The following GRID1 variants were observed in gnomAD, a reference collection of about 807,000 sequenced individuals.
The protein encoded by GRID1 is glutamate receptor ionotropic, delta-1.
Under a neutral mutation model 98.0 loss-of-function variants are expected in GRID1, and 28 were observed. The observed-to-expected ratio is 0.29, with a 90% CI of 0.21 to 0.39. The LOEUF is 0.39. Ranked by LOEUF, GRID1 falls within the 10% of genes least tolerant of loss-of-function variation. GRID1 has a pLI of 1.00. For missense variants in GRID1, 1,111 were observed against 1,340.5 expected (o/e 0.83, Z 2.67); for synonymous variants, 553 against 538.5 (o/e 1.03, Z -0.37).
intron 4 of GRID1, among the ~76,000 whole-genome samples, chr10:86,010,628 G>A (rs1842913385): frequency 6.6e-6 from 1 of 152,012 alleles, no homozygotes; most frequent in African/African-American, 2.4e-5. Flanking sequence ...AGACAGGCCT[G>A]GGCAATGATG....
chr10:86,228,340 T>G (rs1846391649), intron 2 of GRID1, among the ~76,000 whole-genome samples: 1 of 151,100 alleles, frequency 6.6e-6, no homozygotes, highest in Non-Finnish European at 1.5e-5. Flanking sequence ...AGAGGAAACG[T>G]AGACAATCAG....
At chr10:86,222,595 A>G (rs1289557421) in intron 2 of GRID1, among the ~76,000 whole-genome samples, 1 of 152,164 alleles carries the variant, frequency 6.6e-6, no homozygotes, top group Non-Finnish European at 1.5e-5. Flanking sequence ...GGCCTCTGAA[A>G]GACGCACCCC....
intron 2 of GRID1, among the ~76,000 whole-genome samples, chr10:86,349,921 C>T (rs1848439546): frequency 6.6e-6 from 1 of 152,202 alleles, no homozygotes; most frequent in Non-Finnish European, 1.5e-5. Context: ...AAATTAATAA[C>T]ATCATTGCCG....
intron 2 of GRID1, among the ~76,000 whole-genome samples, chr10:86,271,067 G>A (rs1847178166): frequency 6.6e-6 from 1 of 152,182 alleles, no homozygotes; most frequent in Admixed American, 6.5e-5. Context: ...CACCTGGCGA[G>A]CTTTCAGAAA....
chr10:85,677,576 C>A (rs1049571908), intron 12 of GRID1, among the ~76,000 whole-genome samples: 6 of 152,164 alleles, frequency 3.9e-5, no homozygotes, highest in Admixed American at 2.0e-4. Context: ...CCAGGGGAAA[C>A]AAAGCTGAGA....
chr10:86,088,666 C>T (rs1217193079), intron 4 of GRID1, among the ~76,000 whole-genome samples: 1 of 152,140 alleles, frequency 6.6e-6, no homozygotes, highest in Non-Finnish European at 1.5e-5. Context: ...AGTAGACATA[C>T]TTTTTCCTTA....
chr10:85,940,573 C>T (rs1252890149), intron 4 of GRID1, among the ~76,000 whole-genome samples: 1 of 152,188 alleles, frequency 6.6e-6, no homozygotes, highest in African/African-American at 2.4e-5. Flanking sequence ...GGAAATATAT[C>T]TATGGAATGA....
intron 4 of GRID1, among the ~76,000 whole-genome samples, chr10:85,960,345 C>CT (rs1842250195): frequency 6.6e-6 from 1 of 152,018 alleles, no homozygotes; most frequent in Non-Finnish European, 1.5e-5. Context: ...TTTAACATCA[C>CT]TCTGCCCACA....
At chr10:85,690,383 T>C (rs984267337) in intron 12 of GRID1, among the ~76,000 whole-genome samples, 1 of 152,204 alleles carries the variant, frequency 6.6e-6, no homozygotes, top group Non-Finnish European at 1.5e-5. Flanking sequence ...GACATTCAAC[T>C]AAGCAATAAT....
At chr10:86,353,784 G>A (rs1268728663) in intron 2 of GRID1, among the ~76,000 whole-genome samples, 3 of 152,222 alleles carry the variant, frequency 2.0e-5, no homozygotes, top group Non-Finnish European at 2.9e-5. Flanking sequence ...TGGGAGAGGT[G>A]AGTGAGGGCA....
intron 4 of GRID1, among the ~76,000 whole-genome samples, chr10:86,021,047 CCT>C (rs1843041747): frequency 0.024 from 1 of 42 alleles, no homozygotes. Flanking sequence ...TTCAACCTGA[CCT>C]GCCTGCCTGC....
intron 4 of GRID1, among the ~76,000 whole-genome samples, chr10:86,099,663 C>T (rs1193885164): frequency 1.3e-5 from 2 of 152,226 alleles, no homozygotes; most frequent in Non-Finnish European, 2.9e-5. Flanking sequence ...ATCAAGCCCT[C>T]CCTCTGTGAC....
At chr10:85,929,080 G>A (rs1160716147) in intron 4 of GRID1, among the ~76,000 whole-genome samples, 1 of 152,184 alleles carries the variant, frequency 6.6e-6, no homozygotes, top group East Asian at 1.9e-4. Context: ...TGCTATGGGG[G>A]CAGGTTCCCA....
chr10:85,899,760 G>T (rs1841352629), intron 5 of GRID1, among the ~76,000 whole-genome samples: 1 of 152,094 alleles, frequency 6.6e-6, no homozygotes, highest in Admixed American at 6.6e-5. Context: ...AGATCCCCAT[G>T]GGCCTCACAC....
chr10:85,820,323 A>C lies in GRID1; in HGVS notation c.1233+34173T>G, dbSNP rs1368983669. 5.9e-5 allele frequency among the ~76,000 whole-genome samples: 9 copies of C among 152,284 alleles called. 1 individual carries two copies. The East Asian group carries it at 1.4e-3, about 23-fold the overall frequency. ...GAGGAGGAAAGAGCCACGATGACTA[A>C]CTGCTATGTGGATTCCTGGAAAAGA... On this transcript the variant is annotated intron_variant, in intron 8 of 15. Transcript: ENST00000327946.
chr10:85,862,936 G>A (rs576790569), intron 6 of GRID1, among the ~76,000 whole-genome samples: 1 of 152,242 alleles, frequency 6.6e-6, no homozygotes, highest in African/African-American at 2.4e-5. Context: ...AGCACTGGGG[G>A]CAGGGAAGCA....
intron 3 of GRID1, among the ~76,000 whole-genome samples, chr10:86,177,409 A>G (rs1003333404): frequency 6.6e-6 from 1 of 152,090 alleles, no homozygotes; most frequent in African/African-American, 2.4e-5. Flanking sequence ...CAGTGTGTGC[A>G]TATGTGCATG....
intron 4 of GRID1, among the ~76,000 whole-genome samples, chr10:85,962,497 C>T (rs1321164126): frequency 6.6e-6 from 1 of 152,136 alleles, no homozygotes; most frequent in Non-Finnish European, 1.5e-5. Context: ...AGTTACATTG[C>T]CTGGAGCCAT....
At chr10:85,941,122 T>C (rs1841993061) in intron 4 of GRID1, among the ~76,000 whole-genome samples, 1 of 152,198 alleles carries the variant, frequency 6.6e-6, no homozygotes, top group Admixed American at 6.5e-5. Context: ...GGAGGGTTGG[T>C]CTTCATAATC....
Sources: allele counts gnomAD v4.1 joint callset (sites outside exome capture counted in the v4.1 genomes callset), GRCh38; gene constraint gnomAD v4.1.1; transcripts MANE v1.5; gene names NCBI Gene and HGNC (gene_info 2026-07-23, HGNC 2026-07-21).